Variants in CREM observed in about 807,000 individuals in gnomAD.
CREM encodes cAMP-responsive element modulator.
CREM carries 13 observed loss-of-function variants against 37.3 expected under a neutral mutation model. The observed-to-expected ratio is 0.35, with a 90% confidence interval of 0.23 to 0.55. The LOEUF (loss-of-function observed/expected upper bound fraction) is 0.55, where lower values mean the gene tolerates loss of function less well. CREM is among the 20% of genes least tolerant of loss of function. CREM has a pLI of 0.88. For synonymous variants in CREM, 124 were observed against 120.2 expected (o/e 1.03, Z -0.21); for missense variants, 296 against 362.3 (o/e 0.82, Z 1.49).
chr10:35,147,270 G>C (rs2092241080), intron 2 of CREM, among the ~76,000 whole-genome samples: 1 of 151,746 alleles, frequency 6.6e-6, no homozygotes, highest in Admixed American at 6.6e-5. Flanking sequence ...AGCCAGGATG[G>C]TCTCGATCTC....
chr10:35,137,925 C>T (rs1308950996), intron 2 of CREM, 46 bp downstream of exon 2: 15 of 1,492,942 alleles, frequency 1.0e-5, no homozygotes, highest in African/African-American at 2.8e-5. Flanking sequence ...TTCTACTTAG[C>T]TTAAAGTTCA....
chr10:35,145,301 A>G (rs530583904), intron 2 of CREM, among the ~76,000 whole-genome samples: 61 of 151,826 alleles, frequency 4.0e-4, no homozygotes, highest in Non-Finnish European at 8.4e-4. Context: ...TTCTACTCCA[A>G]TCACCTATTC....
chr10:35,170,848 G>A (rs899349059), intron 3 of CREM, among the ~76,000 whole-genome samples: 10 of 152,002 alleles, frequency 6.6e-5, no homozygotes, highest in South Asian at 2.1e-4. Flanking sequence ...TAAGGTTGAC[G>A]CTCTTGCTTA....
At chr10:35,153,017 A>T (rs1341303925) in intron 3 of CREM, among the ~76,000 whole-genome samples, 3 of 152,282 alleles carry the variant, frequency 2.0e-5, no homozygotes, top group Non-Finnish European at 4.4e-5. Flanking sequence ...AGGCAAGAGG[A>T]TTGCCTGAGC....
rs1180615504 is a variant in CREM, at chr10:35,211,463, C to T, written c.*65C>T. 10 of 1,561,762 alleles carry T rather than the reference C, an allele frequency of 6.4e-6. No individual in the cohort carries two copies. Among genetic ancestry groups the T allele is most frequent in the Non-Finnish European group, 8.7e-6 (10 of 1,150,802 alleles). ...GGAGATGCAGCAGTCCTACTTATTG[C>T]CATGTGGACTTGTGGGAAGGACACG... On this transcript the variant is annotated 3_prime_UTR_variant, in exon 8 of 8. Transcript: ENST00000685392.
At chr10:35,194,957 A>G (rs941056977) in intron 6 of CREM, among the ~76,000 whole-genome samples, 2 of 152,118 alleles carry the variant, frequency 1.3e-5, no homozygotes, top group Admixed American at 6.5e-5. Flanking sequence ...ACAGATTTCT[A>G]TGTAAAAATG....
intron 3 of CREM, chr10:35,175,923 A>G (rs1160478293): frequency 6.4e-7 from 1 of 1,552,264 alleles, no homozygotes; most frequent in Non-Finnish European, 8.7e-7. Context: ...CCTTCGGGCC[A>G]AACTATACAT....
chr10:35,161,714 C>G (rs1192757638), intron 3 of CREM, among the ~76,000 whole-genome samples: 1 of 150,092 alleles, frequency 6.7e-6, no homozygotes, highest in Non-Finnish European at 1.5e-5. Flanking sequence ...CAAATCAAAA[C>G]TACAATGAGA....
chr10:35,201,567 G>A, intron 6 of CREM: 2 of 1,524,666 alleles, frequency 1.3e-6, no homozygotes, highest in South Asian at 2.4e-5. Context: ...CTTGCAAAGA[G>A]AGATATGTAG....
At chr10:35,132,010 A>G (rs528603041) in intron 1 of CREM, among the ~76,000 whole-genome samples, 12 of 151,994 alleles carry the variant, frequency 7.9e-5, no homozygotes, top group South Asian at 2.1e-4. Context: ...GACCAGCCTG[A>G]CCAAACATGG....
At position 35,211,512 on chromosome 10, in the gene CREM, G is replaced by C; in HGVS notation, c.*114G>C. On this transcript the variant is annotated 3_prime_UTR_variant, in exon 8 of 8. Coordinates refer to ENST00000685392, the MANE Select transcript of CREM (RefSeq NM_183011.2). ...CGTGTGACCCTTAAGAATCCAGTTT[G>C]GATTAGTGTTTGAAATTGAATTGGG... 1.3e-6 allele frequency: 2 copies of C among 1,500,922 alleles called. No homozygotes were observed. The highest frequency in any genetic ancestry group is 1.8e-6 in the Non-Finnish European group (2 of 1,111,880). The allele number at this position is 1,500,922 out of a possible 1,614,324, so 93.0% of individuals were successfully genotyped here. A position where few individuals can be genotyped will look rare whatever the true frequency, so the allele number is the denominator to read the frequency against.
At chr10:35,140,648 G>C (rs137929236) in intron 2 of CREM, among the ~76,000 whole-genome samples, 2 of 152,160 alleles carry the variant, frequency 1.3e-5, no homozygotes, top group African/African-American at 4.8e-5. Context: ...CTACACAAGT[G>C]TTATAACAGA....
At chr10:35,139,036 T>C (rs184274018) in intron 2 of CREM, among the ~76,000 whole-genome samples, 151 of 152,238 alleles carry the variant, frequency 9.9e-4, no homozygotes, top group African/African-American at 3.5e-3. Flanking sequence ...CTAAATAATA[T>C]AAAGGAGATT....
At chr10:35,192,334 CTTGTT>C (rs1000645708) in intron 6 of CREM, among the ~76,000 whole-genome samples, 4 of 152,088 alleles carry the variant, frequency 2.6e-5, no homozygotes, top group African/African-American at 4.8e-5. Context: ...CTGCATTGCA[CTTGTT>C]TTGTTTTGTT....
chr10:35,142,714 T>C (rs1390969006), intron 2 of CREM, among the ~76,000 whole-genome samples: 5 of 152,186 alleles, frequency 3.3e-5, no homozygotes, highest in African/African-American at 1.2e-4. Flanking sequence ...CAAGTGATCC[T>C]TCCATCTCAC....
chr10:35,145,833 T>G (rs1589407224), intron 2 of CREM, among the ~76,000 whole-genome samples: 1 of 151,554 alleles, frequency 6.6e-6, no homozygotes, highest in South Asian at 2.1e-4. Flanking sequence ...CTTTAATTAC[T>G]GACCTGCCAA....
At chr10:35,185,176 C>T (rs988897163) in intron 5 of CREM, among the ~76,000 whole-genome samples, 8 of 149,646 alleles carry the variant, frequency 5.3e-5, no homozygotes, top group Non-Finnish European at 8.9e-5. Flanking sequence ...AATCTCTGCT[C>T]ACCGCAACCC....
intron 5 of CREM, among the ~76,000 whole-genome samples, chr10:35,180,543 C>A (rs190657511): frequency 6.6e-6 from 1 of 152,272 alleles, no homozygotes; most frequent in Non-Finnish European, 1.5e-5. Flanking sequence ...CTAGCAGATC[C>A]GGGGTGTAGT....
intron 3 of CREM, chr10:35,154,433 A>G (rs2092774436): frequency 1.0e-5 from 2 of 196,890 alleles, no homozygotes; most frequent in East Asian, 2.3e-4. Context: ...AAGTAGATCT[A>G]GTTTAAGGTC....
Sources: allele counts gnomAD v4.1 joint callset (sites outside exome capture counted in the v4.1 genomes callset), GRCh38; gene constraint gnomAD v4.1.1; transcripts MANE v1.5; gene names NCBI Gene and HGNC (gene_info 2026-07-23, HGNC 2026-07-21).